Variants in OVCH2 observed in about 807,000 individuals in gnomAD.
OVCH2 encodes the protein ovochymase-2.
In OVCH2, 88 loss-of-function variants were observed where a neutral mutation model predicts 73.7. That is an observed-to-expected ratio of 1.19 (90% CI 1.01 to 1.43). The LOEUF (loss-of-function observed/expected upper bound fraction) is 1.43. Among genes scored for constraint, OVCH2 ranks in the 40% most tolerant of loss-of-function variants. The pLI is 0.00. For missense variants in OVCH2, 706 were observed against 674.5 expected (o/e 1.05, Z -0.52); for synonymous variants, 265 against 234.5 (o/e 1.13, Z -1.19).
intron 8 of OVCH2, among the ~76,000 whole-genome samples, chr11:7,697,887 A>T (rs1856366870): frequency 6.6e-6 from 1 of 152,172 alleles, no homozygotes; most frequent in African/African-American, 2.4e-5. Flanking sequence ...TTATCTAATT[A>T]ATCAGCTTTC....
Position 7,700,375 on chromosome 11 carries a change from C to T in OVCH2, c.822G>A (p.Arg274=). 6.2e-7 allele frequency: 1 copy of T among 1,613,684 alleles called. No homozygotes were observed. Among genetic ancestry groups the T allele is most frequent in the Non-Finnish European group, 8.5e-7 (1 of 1,179,794 alleles). ...TCCCAGGGGATCCTTGATCACTTTTCCTCACATTGTTTCTCCAGCCTCGAC... is the reference window on the plus strand; with the variant it reads ...TCCCAGGGGATCCTTGATCACTTTTTCTCACATTGTTTCTCCAGCCTCGAC... ...GCGRGWRNNV[R]KSDQGSPGIF... is the part of the protein sequence containing the mutation. Residue 274 remains arginine (R), a synonymous_variant, in exon 7 of 16, where the codon AGG becomes AGA. Transcript: ENST00000533663.
chr11:7,701,805 A>G lies in OVCH2; in HGVS notation c.470T>C (p.Phe157Ser). ...KMAGAFQFGHFVGPICLPELR... is the reference protein window; with the variant it reads ...KMAGAFQFGHSVGPICLPELR... ...CTCTGGAAGACATATGGGCCCCACA[A>G]AGTGGCCTGAAGAAAAGAGCAAGGT... Residue 157 changes from phenylalanine (F) to serine (S), a missense_variant, in exon 5 of 16, where the codon TTT (phenylalanine) becomes TCT (serine). By Grantham distance (155) the Phe-to-Ser change is radical. Transcript: ENST00000533663. 1 of 1,609,192 alleles carries G rather than the reference A, an allele frequency of 6.2e-7. No individual in the cohort carries two copies. Among genetic ancestry groups the G allele is most frequent in the Non-Finnish European group, 8.5e-7 (1 of 1,178,032 alleles).
At chr11:7,698,388 C>A (rs538121548) in intron 8 of OVCH2, among the ~76,000 whole-genome samples, 1 of 152,168 alleles carries the variant, frequency 6.6e-6, no homozygotes, top group Non-Finnish European at 1.5e-5. Context: ...GTGAATTCAT[C>A]GCAGGATCGC....
In OVCH2 at chr11:7,696,523, A is replaced by T; in HGVS notation, c.1083T>A (p.Asp361Glu). The T allele has an allele frequency of 6.2e-7, 1 of 1,614,024 alleles. No homozygotes were observed. Among genetic ancestry groups the T allele is most frequent in the Non-Finnish European group, 8.5e-7 (1 of 1,179,884 alleles). Residue 361 changes from aspartate to glutamate, a missense_variant, in exon 10 of 16, where the codon GAT becomes GAA. Physicochemically the swap from Asp to Glu is conservative, Grantham distance 45 (BLOSUM62 2). Coordinates refer to ENST00000533663, the MANE Select transcript of OVCH2 (RefSeq NM_198185.7). Reference sequence around the variant, plus strand: ...GGTAACTGTGGTGACAAGACTCAACATCTAGGTGGGAAAAACTGAGCAACA... The same window carrying T: ...GGTAACTGTGGTGACAAGACTCAACTTCTAGGTGGGAAAAACTGAGCAACA... Reference protein sequence around the residue: ...MHVLLSFSHLDVESCHHSYLS... With the variant: ...MHVLLSFSHLEVESCHHSYLS...
intron 4 of OVCH2, 72 bp from the exon 5 acceptor site, chr11:7,701,883 GT>G: frequency 5.3e-6 from 7 of 1,312,924 alleles, no homozygotes; most frequent in African/African-American, 1.5e-5. Flanking sequence ...TCACCACTTG[GT>G]ATCCAGGTGG....
chr11:7,697,028 CTTTT>C (rs1856350879), intron 8 of OVCH2: 1 of 386,070 alleles, frequency 2.6e-6, no homozygotes, highest in Non-Finnish European at 4.8e-6. Context: ...TCTTCTCTCT[CTTTT>C]TATTTTATTT....
At chr11:7,699,989 C>G in intron 7 of OVCH2, 1 of 280,818 alleles carries the variant, frequency 3.6e-6, no homozygotes. Context: ...GCACTCTGGA[C>G]TCTGAATCCA....
downstream of OVCH2, among the ~76,000 whole-genome samples, chr11:7,684,451 C>T (rs1461691163): frequency 6.6e-6 from 1 of 150,920 alleles, no homozygotes; most frequent in Non-Finnish European, 1.5e-5. Flanking sequence ...CCTGGGATGC[C>T]AGCTGCCTGC....
chr11:7,688,001 A>G (rs952751382), downstream of OVCH2, among the ~76,000 whole-genome samples: 1 of 152,028 alleles, frequency 6.6e-6, no homozygotes. Flanking sequence ...CCAAGGACCC[A>G]CTCCAAATAT....
intron 7 of OVCH2, chr11:7,699,535 T>A (rs1589879054): frequency 1.3e-5 from 2 of 152,400 alleles, no homozygotes; most frequent in South Asian, 2.1e-4. Flanking sequence ...ACTGTATTTT[T>A]AAAAATTTGT....
At chr11:7,695,809 T>A in intron 10 of OVCH2, 99 bp from the exon 11 acceptor site, 1 of 1,472,548 alleles carries the variant, frequency 6.8e-7, no homozygotes. Context: ...ATTTCAGGAT[T>A]GTCCAATCCA....
At chr11:7,685,512 C>A (rs35673360), downstream of OVCH2, among the ~76,000 whole-genome samples, 2 of 151,912 alleles carry the variant, frequency 1.3e-5, no homozygotes, top group South Asian at 4.1e-4. Context: ...TTAACAGATA[C>A]ATCCACCAAA....
chr11:7,696,826 G>A (rs532024811), intron 8 of OVCH2, 27 bp from the exon 9 acceptor site: 3 of 1,583,262 alleles, frequency 1.9e-6, no homozygotes, highest in South Asian at 2.3e-5. Flanking sequence ...GGAGAGTCAG[G>A]GTTAGTTATG....
In OVCH2 at chr11:7,697,197, C is replaced by T. The variant is rs114242901; in HGVS notation, c.926-398G>A. On this transcript the variant is annotated intron_variant, in intron 8 of 15. Transcript: ENST00000533663. ...GACCACAGACTCACACTGCCACACC[C>T]GGCTAATTTTTTGAAGAAATTATTT... Among the ~76,000 whole-genome samples, 1,192 of 152,198 alleles carry T rather than the reference C, an allele frequency of 7.8e-3. 18 individuals carry two copies. The highest frequency in any genetic ancestry group is 0.027 in the African/African-American group (1,128 of 41,524).
Position 7,702,285 on chromosome 11 carries a change from A to C in OVCH2, c.335T>G (p.Leu112Ter), listed in dbSNP as rs1211467993. 6.2e-7 allele frequency: 1 copy of C among 1,611,338 alleles called. No homozygotes were observed. The highest frequency in any genetic ancestry group is 1.7e-5 in the Admixed American group (1 of 59,380). Residue 112 changes from leucine (L) to a stop codon, truncating the protein, a stop_gained, in exon 4 of 16, where the codon TTA (leucine) becomes TGA (stop). Coordinates refer to ENST00000533663, the MANE Select transcript of OVCH2 (RefSeq NM_198185.7). LOFTEE classifies it high-confidence loss of function. ...TTGCTCTCCTGGGTCTGTCTGGCTT[A>C]AGTCATACTCTCCAGCAGTAACATT... ...TLNVTAGEYD[L>*]SQTDPGEQTL... is the part of the protein sequence containing the mutation.
At chr11:7,693,085 T>G (rs762277035) in intron 12 of OVCH2, among the ~76,000 whole-genome samples, 1 of 152,184 alleles carries the variant, frequency 6.6e-6, no homozygotes, top group Non-Finnish European at 1.5e-5. Flanking sequence ...AGAGTGATCT[T>G]GGAGCAGTTT....
intron 5 of OVCH2, 115 bp from the exon 6 acceptor site, chr11:7,701,590 G>T: frequency 6.8e-7 from 1 of 1,467,782 alleles, no homozygotes; most frequent in Non-Finnish European, 9.2e-7. Context: ...AGTACAATGT[G>T]ACATTCCCTA....
intron 8 of OVCH2, among the ~76,000 whole-genome samples, chr11:7,698,126 C>T (rs748295485): frequency 3.9e-5 from 6 of 152,190 alleles, no homozygotes; most frequent in Non-Finnish European, 7.3e-5. Context: ...ACTCCTCCTT[C>T]CAGTTGCAGC....
At position 7,695,706 on chromosome 11, in the gene OVCH2, T is replaced by C. The variant is rs1856319755; in HGVS notation, c.1146A>G (p.Lys382=). 2 of 1,588,572 alleles carry C rather than the reference T, an allele frequency of 1.3e-6. No individual in the cohort carries two copies. The highest frequency in any genetic ancestry group is 1.7e-6 in the Non-Finnish European group (2 of 1,177,092). Residue 382 remains lysine (K), a synonymous_variant, in exon 11 of 16, where the codon AAA becomes AAG. Transcript: ENST00000533663. Reference sequence around the variant, plus strand: ...ATGAAGGGAGGCTTTCTCCACAAAATTTTCCTGCAGGATGAGAAAAAAGGA... The same window carrying C: ...ATGAAGGGAGGCTTTCTCCACAAAACTTTCCTGCAGGATGAGAAAAAAGGA... ...MYSLEDRPIG[K]FCGESLPSSI...
Sources: allele counts gnomAD v4.1 joint callset (sites outside exome capture counted in the v4.1 genomes callset), GRCh38; gene constraint gnomAD v4.1.1; transcripts MANE v1.5; gene names NCBI Gene and HGNC (gene_info 2026-07-23, HGNC 2026-07-21).